The following TMEM268 variants were observed in gnomAD, a reference collection of about 807,000 sequenced individuals.
TMEM268 encodes transmembrane protein C9orf91.
In TMEM268, 24 loss-of-function variants were observed where a neutral mutation model predicts 39.1. That is an observed-to-expected ratio of 0.61 (90% CI 0.44 to 0.86). The LOEUF (loss-of-function observed/expected upper bound fraction) is 0.86, where lower values mean the gene tolerates loss of function less well. Among genes scored for constraint, TMEM268 ranks in the 40% least tolerant of loss-of-function variants. TMEM268 has a pLI of 0.00. For synonymous variants in TMEM268, 176 were observed against 173.5 expected (o/e 1.01, Z -0.12); for missense variants, 409 against 428.6 (o/e 0.95, Z 0.40).
chr9:114,634,049 CACCTT>C (rs1564297585), intron 6 of TMEM268, among the ~76,000 whole-genome samples, 171 bp downstream of exon 6: 1 of 152,208 alleles, frequency 6.6e-6, no homozygotes, highest in East Asian at 1.9e-4. Flanking sequence ...TTCCTCAAGA[CACCTT>C]CTCTGTGCAG....
intron 2 of TMEM268, among the ~76,000 whole-genome samples, chr9:114,623,779 C>A (rs1326213786): frequency 6.6e-6 from 1 of 152,144 alleles, no homozygotes. Flanking sequence ...TATTAAAGGC[C>A]AGCTAATGAG....
chr9:114,633,362 A>G (rs973097314), intron 5 of TMEM268, among the ~76,000 whole-genome samples: 2 of 152,018 alleles, frequency 1.3e-5, no homozygotes, highest in African/African-American at 2.4e-5. Context: ...GGGTTTCACC[A>G]TGTTGGCCAG....
At chr9:114,613,034 C>G (rs2133584440) in intron 1 of TMEM268, among the ~76,000 whole-genome samples, 1 of 152,318 alleles carries the variant, frequency 6.6e-6, no homozygotes, top group South Asian at 2.1e-4. Flanking sequence ...CTCTTTAAAC[C>G]TCACAACCAC....
At chr9:114,614,092 G>C (rs1362471128) in intron 1 of TMEM268, among the ~76,000 whole-genome samples, 1 of 152,186 alleles carries the variant, frequency 6.6e-6, no homozygotes, top group African/African-American at 2.4e-5. Context: ...CCATTTTACA[G>C]ATGAGAACAG....
upstream of TMEM268, among the ~76,000 whole-genome samples, chr9:114,610,732 C>T (rs940155170): frequency 2.0e-5 from 3 of 152,182 alleles, no homozygotes; most frequent in Non-Finnish European, 4.4e-5. Flanking sequence ...ACATTTCACA[C>T]ACACTATCTC....
chr9:114,624,167 C>T (rs1380865415), intron 2 of TMEM268, 183 bp from the exon 3 acceptor site: 14 of 1,345,500 alleles, frequency 1.0e-5, no homozygotes, highest in Non-Finnish European at 1.3e-5. Flanking sequence ...AATTCTGCCT[C>T]CTGGGGGCTT....
chr9:114,628,267 T>TC lies in TMEM268; in HGVS notation c.474+20dup. On this transcript the variant is annotated intron_variant, in intron 5 of 8. Coordinates refer to ENST00000288502, the MANE Select transcript of TMEM268 (RefSeq NM_153045.4). ...CAGAAGAAGGTGAGATGTCTGGAGA[T>TC]CCCTGCCACACTCTCTCCAGAAGAG... 6.2e-7 allele frequency: 1 copy of TC among 1,610,568 alleles called. No homozygotes were observed. The highest frequency in any genetic ancestry group is 1.1e-5 in the South Asian group (1 of 91,056).
Position 114,636,972 on chromosome 9 carries a change from T to G in TMEM268, c.586-18T>G. On this transcript the variant is annotated intron_variant, in intron 6 of 8. Transcript: ENST00000288502. ...GCTGCCCTTGAGCCACGGTGGTCAC[T>G]GCTGCTTCTCCCCACAGCTTTGGTT... The G allele has an allele frequency of 6.2e-7, 1 of 1,600,718 alleles. No homozygotes were observed.
chr9:114,621,545 A>C (rs149971838), intron 2 of TMEM268, among the ~76,000 whole-genome samples: 3 of 152,298 alleles, frequency 2.0e-5, no homozygotes, highest in Non-Finnish European at 4.4e-5. Context: ...AATTGCATAC[A>C]TAGGTATTTA....
At position 114,617,361 on chromosome 9, in the gene TMEM268, AG is replaced by A. The variant is rs1486152011; in HGVS notation, c.106+63del. 3 of 1,298,224 alleles carry A rather than the reference AG, an allele frequency of 2.3e-6. No individual in the cohort carries two copies. The African/African-American group carries it at 4.4e-5, about 19-fold the overall frequency. The allele number at this position is 1,298,224 out of a possible 1,614,324, so 80.4% of individuals were successfully genotyped here. ...CTACCTCATGCTGAACTGGACTCAC[AG>A]GGCACAGAAGTTCCTTTAGATAAGG... is the stretch of plus-strand genomic sequence containing the variant. On this transcript the variant is annotated intron_variant, in intron 2 of 8. Coordinates refer to ENST00000288502, the MANE Select transcript of TMEM268 (RefSeq NM_153045.4).
chr9:114,611,542 C>CGGAG lies in TMEM268; in HGVS notation c.-99_-98insAGGG, dbSNP rs1845486896. On this transcript the variant is annotated 5_prime_UTR_variant, in exon 1 of 9. Transcript: ENST00000288502. ...CTTCCGCGTCCCGGGGTGGCGGCGG[C>CGGAG]GGCGGCGGCGGCGGCGCGGGCGGTG... The CGGAG allele has an allele frequency of 6.0e-6, 1 of 165,318 alleles. No individual in the cohort carries two copies. Among genetic ancestry groups the CGGAG allele is most frequent in the South Asian group, 1.7e-4 (1 of 5,992 alleles). The allele number at this position is 165,318 out of a possible 1,614,324, so 10.2% of individuals were successfully genotyped here.
intron 8 of TMEM268, among the ~76,000 whole-genome samples, chr9:114,642,507 A>G (rs1308974552): frequency 2.6e-5 from 4 of 152,078 alleles, no homozygotes; most frequent in African/African-American, 9.7e-5. Flanking sequence ...CCACCTCCAC[A>G]TTTAACTAGT....
At position 114,638,366 on chromosome 9, in the gene TMEM268, A is replaced by G. The variant is rs76549354; in HGVS notation, c.667-178A>G. Among the ~76,000 whole-genome samples, 72 of 152,356 alleles carry G rather than the reference A, an allele frequency of 4.7e-4. 1 individual carries two copies. The highest frequency in any genetic ancestry group is 1.7e-3 in the African/African-American group (72 of 41,588). ...TATAAAAGGAAAAATATTTAGAGCT[A>G]TTAATGACCATCTGTAGGGAATTAT... On this transcript the variant is annotated intron_variant, in intron 7 of 8. Coordinates refer to ENST00000288502, the MANE Select transcript of TMEM268 (RefSeq NM_153045.4).
intron 6 of TMEM268, among the ~76,000 whole-genome samples, chr9:114,636,164 G>A (rs544317543): frequency 3.9e-5 from 6 of 152,284 alleles, no homozygotes; most frequent in East Asian, 1.9e-4. Context: ...ACAGGTTGTC[G>A]TAATGTGAAT....
chr9:114,623,526 GTT>G (rs555184411), intron 2 of TMEM268, among the ~76,000 whole-genome samples: 117 of 152,338 alleles, frequency 7.7e-4, no homozygotes, highest in Admixed American at 3.7e-3. Flanking sequence ...TGGCAGGACT[GTT>G]TTTCTTTCTG....
chr9:114,612,890 C>T (rs566084843), intron 1 of TMEM268, among the ~76,000 whole-genome samples: 2 of 152,334 alleles, frequency 1.3e-5, no homozygotes, highest in African/African-American at 2.4e-5. Flanking sequence ...TTTCCAGTTT[C>T]GTGCTCAAGA....
intron 6 of TMEM268, among the ~76,000 whole-genome samples, chr9:114,634,743 G>C (rs1806612194): frequency 2.0e-5 from 3 of 152,164 alleles, no homozygotes; most frequent in Non-Finnish European, 2.9e-5. Context: ...AATGTTTATT[G>C]AGAGCCTATT....
In TMEM268 at chr9:114,646,208, T is replaced by G. The variant is rs1281918727; in HGVS notation, c.*2895T>G. Reference sequence around the variant, plus strand: ...AGAGTGAAGGTGGTAACTCATTGCATGGATTCTAGAGTTCTGTTTATTCTA... The same window carrying G: ...AGAGTGAAGGTGGTAACTCATTGCAGGGATTCTAGAGTTCTGTTTATTCTA... On this transcript the variant is annotated 3_prime_UTR_variant, in exon 9 of 9. Transcript: ENST00000288502. 6.6e-6 allele frequency: 1 copy of G among 152,216 alleles called. No homozygotes were observed. Among genetic ancestry groups the G allele is most frequent in the Non-Finnish European group, 1.5e-5 (1 of 68,038 alleles). The allele number at this position is 152,216 out of a possible 1,614,324, so 9.4% of individuals were successfully genotyped here. A position where few individuals can be genotyped will look rare whatever the true frequency, so the allele number is the denominator to read the frequency against.
chr9:114,617,728 A>G (rs1170469356), intron 2 of TMEM268, among the ~76,000 whole-genome samples: 2 of 152,036 alleles, frequency 1.3e-5, no homozygotes. Flanking sequence ...CCACCGCTAC[A>G]TCCTGCTAAT....
Sources: allele counts gnomAD v4.1 joint callset (sites outside exome capture counted in the v4.1 genomes callset), GRCh38; gene constraint gnomAD v4.1.1; transcripts MANE v1.5; gene names NCBI Gene and HGNC (gene_info 2026-07-23, HGNC 2026-07-21).